PLCL1: variants seen among roughly 807,000 people sequenced by gnomAD.
PLCL1 encodes the protein phospholipase C like 1 (inactive).
PLCL1 carries 41 observed loss-of-function variants against 84.4 expected under a neutral mutation model. The ratio of observed to expected loss-of-function variants is 0.49; its 90% CI spans 0.38 to 0.63. PLCL1 has a LOEUF of 0.63. Among genes scored for constraint, PLCL1 ranks in the 30% least tolerant of loss-of-function variants. The pLI is 0.00. For synonymous variants in PLCL1, 490 were observed against 488.3 expected, an observed-to-expected ratio of 1.00 and a Z score of -0.05; for missense variants, 1,206 against 1,367.8, an observed-to-expected ratio of 0.88 and a Z score of 1.87.
chr2:198,008,300 C>G (rs777082181), intron 1 of PLCL1, among the ~76,000 whole-genome samples: 3 of 152,062 alleles, frequency 2.0e-5, no homozygotes, highest in Non-Finnish European at 4.4e-5. Flanking sequence ...TGTTGTGCAG[C>G]AGATTGCTAC....
intron 5 of PLCL1, among the ~76,000 whole-genome samples, chr2:198,115,803 C>A (rs891744840): frequency 2.0e-5 from 3 of 151,562 alleles, no homozygotes; most frequent in African/African-American, 4.8e-5. Context: ...GGGGAAACCA[C>A]CCCCATGATT....
At chr2:197,845,772 G>A (rs1300904018) in intron 1 of PLCL1, among the ~76,000 whole-genome samples, 2 of 152,074 alleles carry the variant, frequency 1.3e-5, no homozygotes, top group Non-Finnish European at 2.9e-5. Context: ...TGTAGAGAAA[G>A]GATTCCCCCC....
intron 1 of PLCL1, among the ~76,000 whole-genome samples, chr2:198,051,401 A>G (rs1237763283): frequency 6.6e-6 from 1 of 152,216 alleles, no homozygotes; most frequent in Admixed American, 6.5e-5. Context: ...AATGGTTATG[A>G]TAAACATGAG....
At chr2:197,858,986 AG>A (rs1687380298) in intron 1 of PLCL1, among the ~76,000 whole-genome samples, 1 of 152,110 alleles carries the variant, frequency 6.6e-6, no homozygotes, top group East Asian at 1.9e-4. Flanking sequence ...CACATGGCAT[AG>A]CCTTTAAAGA....
At chr2:198,115,624 G>T (rs918865371) in intron 5 of PLCL1, among the ~76,000 whole-genome samples, 3 of 151,800 alleles carry the variant, frequency 2.0e-5, no homozygotes, top group Non-Finnish European at 4.4e-5. Context: ...GAGGTTTAAT[G>T]GACTCACAGT....
intron 1 of PLCL1, among the ~76,000 whole-genome samples, chr2:197,848,699 A>G (rs1189062341): frequency 1.3e-5 from 2 of 152,240 alleles, no homozygotes; most frequent in Admixed American, 1.3e-4. Context: ...GGCTTTAAAA[A>G]TAATAGACAA....
chr2:197,810,096 C>T (rs1449187888), intron 1 of PLCL1, among the ~76,000 whole-genome samples: 1 of 152,092 alleles, frequency 6.6e-6, no homozygotes, highest in Non-Finnish European at 1.5e-5. Context: ...CTGGGGGCTT[C>T]AGCTGCGGCT....
chr2:198,039,104 G>A (rs1209955035), intron 1 of PLCL1, among the ~76,000 whole-genome samples: 1 of 152,082 alleles, frequency 6.6e-6, no homozygotes, highest in African/African-American at 2.4e-5. Context: ...ATACATTTTT[G>A]TGGAGGGTAA....
chr2:197,866,945 G>T (rs181540348), intron 1 of PLCL1, among the ~76,000 whole-genome samples: 1 of 152,130 alleles, frequency 6.6e-6, no homozygotes, highest in Non-Finnish European at 1.5e-5. Flanking sequence ...TACATAAAAG[G>T]CATCATTCAT....
chr2:198,097,933 G>A (rs1476403569), intron 3 of PLCL1, among the ~76,000 whole-genome samples: 1 of 152,130 alleles, frequency 6.6e-6, no homozygotes, highest in African/African-American at 2.4e-5. Context: ...CAATCTATTA[G>A]CAATGCTTTT....
rs1694368177 is a variant in PLCL1, at chr2:198,140,782, T to C, written c.3106-5998T>C. Among the ~76,000 whole-genome samples the C allele has an allele frequency of 3.9e-5, 6 of 152,256 alleles. No individual in the cohort carries two copies. In the South Asian group the frequency reaches 1.2e-3, roughly 32 times the overall value. Reference sequence around the variant, plus strand: ...CATTTCTTTAAAGTGTCTTCTATACTTTATAAATTATTTTTTCTTGAGAAT... The same window carrying C: ...CATTTCTTTAAAGTGTCTTCTATACCTTATAAATTATTTTTTCTTGAGAAT... On this transcript the variant is annotated intron_variant, in intron 5 of 5. Transcript: ENST00000428675.
chr2:197,897,163 TTC>T lies in PLCL1; in HGVS notation c.240+91826_240+91827del, dbSNP rs1479175464. Among the ~76,000 whole-genome samples the T allele has an allele frequency of 7.0e-3, 225 of 32,296 alleles. 1 individual carries two copies. The highest frequency in any genetic ancestry group is 0.038 in the African/African-American group (174 of 4,636). The allele number at this position is 32,296 out of a possible 152,430, so 21.2% of individuals were successfully genotyped here. A position where few individuals can be genotyped will look rare whatever the true frequency, so the allele number is the denominator to read the frequency against. On this transcript the variant is annotated intron_variant, in intron 1 of 5. Transcript: ENST00000428675. ...CTTCTTCTTCTTCTTCTTCTTCTTC[TTC>T]TTCTTCTTCTTCTTCTTCTTCTTCT...
chr2:198,086,005 T>A lies in PLCL1; in HGVS notation c.2488T>A (p.Ser830Thr). Reference protein sequence around the residue: ...QPGYRHVPLRSFVGDIMEHVT... With the variant: ...QPGYRHVPLRTFVGDIMEHVT... The stretch of plus-strand genomic sequence containing the variant: ...TGGATATCGGCATGTTCCCCTGCGT[T>A]CTTTTGTGGGTGACATCATGGAGCA... The change falls in exon 2 of 6, where the codon TCT becomes ACT. Residue 830 changes from serine (S) to threonine (T), a missense_variant. Coordinates refer to ENST00000428675, the MANE Select transcript of PLCL1 (RefSeq NM_006226.4). 1 of 1,614,084 alleles carries A rather than the reference T, an allele frequency of 6.2e-7. No individual in the cohort carries two copies. Among genetic ancestry groups the A allele is most frequent in the South Asian group, 1.1e-5 (1 of 91,084 alleles).
chr2:197,897,098 C>CCCT (rs1688150228), intron 1 of PLCL1, among the ~76,000 whole-genome samples: 6 of 117,780 alleles, frequency 5.1e-5, no homozygotes, highest in African/African-American at 1.8e-4. Flanking sequence ...AAGTATGACT[C>CCCT]CTTCTTCTTC....
In PLCL1 at chr2:198,041,314, AT is replaced by A. The variant is rs772168649; in HGVS notation, c.241-42443del. ...CCTTTGCCACTGAAGTACAAATATA[AT>A]CGTTGTTATTTTCTTGTCTCACAGA... On this transcript the variant is annotated intron_variant, in intron 1 of 5. Transcript: ENST00000428675. Among the ~76,000 whole-genome samples, 16 of 152,326 alleles carry A rather than the reference AT, an allele frequency of 1.1e-4. No homozygotes were observed. In the East Asian group the frequency reaches 3.1e-3, roughly 29 times the overall value.
At position 198,085,150 on chromosome 2, in the gene PLCL1, C is replaced by G. The variant is rs1692834099; in HGVS notation, c.1633C>G (p.Pro545Ala). The change falls in exon 2 of 6, where the codon CCT becomes GCT. Residue 545 changes from proline (P) to alanine (A), a missense_variant. Transcript: ENST00000428675. The surrounding 1 kb of genome is among the most constrained non-coding windows in gnomAD (Gnocchi z 5.3). ...GATCATTGTGAAAGGAAAGAAGTTG[C>G]CTTCTGATCCAGATGTGTTAGAAGG... is the stretch of plus-strand genomic sequence containing the variant. ...RMIIVKGKKL[P>A]SDPDVLEGEV... 6.2e-7 allele frequency: 1 copy of G among 1,613,792 alleles called. No individual in the cohort carries two copies. The highest frequency in any genetic ancestry group is 8.5e-7 in the Non-Finnish European group (1 of 1,179,880).
intron 1 of PLCL1, among the ~76,000 whole-genome samples, chr2:198,036,978 A>G (rs1160378575): frequency 6.6e-6 from 1 of 152,126 alleles, no homozygotes; most frequent in Non-Finnish European, 1.5e-5. Context: ...TCTTAAATCA[A>G]CAGGTGGACA....
chr2:198,000,287 C>T (rs1690571147), intron 1 of PLCL1, among the ~76,000 whole-genome samples: 1 of 152,052 alleles, frequency 6.6e-6, no homozygotes, highest in Admixed American at 6.6e-5. Context: ...TTTTTATTGT[C>T]TTCCCACTTT....
chr2:197,838,495 T>C (rs1691233786), intron 1 of PLCL1, among the ~76,000 whole-genome samples: 1 of 152,250 alleles, frequency 6.6e-6, no homozygotes, highest in Non-Finnish European at 1.5e-5. Flanking sequence ...AAATGAATGA[T>C]GTTTTAACTT....
Sources: allele counts gnomAD v4.1 joint callset (sites outside exome capture counted in the v4.1 genomes callset), GRCh38; gene constraint gnomAD v4.1.1; non-coding constraint Gnocchi (gnomAD v3.1); transcripts MANE v1.5; gene names NCBI Gene and HGNC (gene_info 2026-07-23, HGNC 2026-07-21).